The following WDR62 variants were observed in gnomAD, a reference collection of about 807,000 sequenced individuals.
WDR62 encodes WD repeat domain 62.
A neutral mutation model predicts 160.6 loss-of-function variants in WDR62; 112 were observed. The observed-to-expected ratio is 0.70, with a 90% CI of 0.60 to 0.82. The LOEUF (loss-of-function observed/expected upper bound fraction) is 0.82, where lower values mean the gene tolerates loss of function less well. Ranked by LOEUF, WDR62 falls within the 40% of genes least tolerant of loss-of-function variation. WDR62 has a pLI of 0.00. For missense variants in WDR62, 1,819 were observed against 1,983.8 expected (o/e 0.92, Z 1.58); for synonymous variants, 792 against 815.1 (o/e 0.97, Z 0.48).
rs566095663 is a variant in WDR62 at position 36,074,791 on chromosome 19, T to A, written c.1233+1260T>A. 2.6e-5 allele frequency among the ~76,000 whole-genome samples: 4 copies of A among 152,322 alleles called. No individual in the cohort carries two copies. The South Asian group carries it at 8.3e-4, about 32-fold the overall frequency. ...TTTTAAAATTCCTGTATGAAATTTT[T>A]AAAAATTTGGGATAATAGGTGAAAT... On this transcript the variant is annotated intron_variant, in intron 9 of 31. Transcript: ENST00000401500.
chr19:36,072,411 T>C (rs1971347366), intron 8 of WDR62, among the ~76,000 whole-genome samples: 1 of 152,138 alleles, frequency 6.6e-6, no homozygotes, highest in South Asian at 2.1e-4. Flanking sequence ...GCGCCTGTAG[T>C]CTATCCTCAG....
At chr19:36,071,200 C>A (rs563479410) in intron 7 of WDR62, 56 of 250,396 alleles carry the variant, frequency 2.2e-4, no homozygotes, top group African/African-American at 1.3e-3. Flanking sequence ...AAAACTCTAT[C>A]TCAAAAAAAA....
In WDR62 at chr19:36,059,780, T is replaced by C. The variant is rs144119222; in HGVS notation, c.270-188T>C. On this transcript the variant is annotated intron_variant, in intron 2 of 31. Transcript: ENST00000401500. ...ACCTCAGAGGAAGTGTTGGTTTCTA[T>C]TTAAGAACATAGCAATGTTAAAGTG... 0.012 allele frequency among the ~76,000 whole-genome samples: 1,812 copies of C among 152,286 alleles called. 23 individuals are homozygous for C. Among genetic ancestry groups the C allele is most frequent in the South Asian group, 0.035 (168 of 4,822 alleles).
rs755211233 is a variant in WDR62, at chr19:36,090,522, TGAG to T, written c.2034+6_2034+8del. 27 of 1,613,906 alleles carry T rather than the reference TGAG, an allele frequency of 1.7e-5. No homozygotes were observed. The highest frequency in any genetic ancestry group is 1.0e-4 in the Admixed American group (6 of 59,994). ...GGTGACGAAGGGTCCTTGCTGAAGG[TGAG>T]GAGTTGGAGACCCCTGTCTGTCTGC... is the stretch of plus-strand genomic sequence containing the variant. On this transcript the variant is annotated splice_donor_5th_base_variant and intron_variant, in intron 16 of 31. Coordinates refer to ENST00000401500, the MANE Select transcript of WDR62 (RefSeq NM_001083961.2).
chr19:36,066,728 T>TG (rs1288598770), intron 5 of WDR62, among the ~76,000 whole-genome samples: 1 of 152,214 alleles, frequency 6.6e-6, no homozygotes, highest in East Asian at 1.9e-4. Context: ...CTTGTTGAGT[T>TG]GTGAGACTTT....
intron 24 of WDR62, 61 bp downstream of exon 24, chr19:36,101,378 GGGCACCGAT>G: frequency 7.1e-7 from 1 of 1,410,674 alleles, no homozygotes; most frequent in Admixed American, 1.9e-5. Flanking sequence ...GCCCCTTTCT[GGGCACCGAT>G]GGTGACTTTG....
At chr19:36,096,396 C>T (rs970601072) in intron 20 of WDR62, among the ~76,000 whole-genome samples, 5 of 152,154 alleles carry the variant, frequency 3.3e-5, no homozygotes, top group Admixed American at 2.0e-4. Flanking sequence ...AGCCAGTATG[C>T]CTGGCCTTTA....
At position 36,055,164 on chromosome 19, in the gene WDR62, C is replaced by T. The variant is rs1266985755; in HGVS notation, c.177+16C>T. ...GCAGAACCGGGTGAGAAGCTGCTCG[C>T]CATGTCTACCCCAGTTCCAGGCTTC... On this transcript the variant is annotated intron_variant, in intron 1 of 31. Transcript: ENST00000401500. 5 of 1,602,150 alleles carry T rather than the reference C, an allele frequency of 3.1e-6. No homozygotes were observed. The highest frequency in any genetic ancestry group is 3.4e-6 in the Non-Finnish European group (4 of 1,175,322).
At chr19:36,090,591 A>G in intron 16 of WDR62, 71 bp downstream of exon 16, 1 of 1,434,124 alleles carries the variant, frequency 7.0e-7, no homozygotes, top group Non-Finnish European at 9.8e-7. Flanking sequence ...CACACCTGAG[A>G]CCTGTGCCCT....
intron 1 of WDR62, among the ~76,000 whole-genome samples, chr19:36,056,490 G>A (rs1380858478): frequency 6.6e-6 from 1 of 152,132 alleles, no homozygotes; most frequent in Non-Finnish European, 1.5e-5. Context: ...GCTGCAATCT[G>A]CCTGTCTGGC....
chr19:36,073,259 G>A (rs1971394987), intron 8 of WDR62, 83 bp from the exon 9 acceptor site: 2 of 1,325,900 alleles, frequency 1.5e-6, no homozygotes, highest in Non-Finnish European at 2.2e-6. Context: ...GCATTGCCGG[G>A]GAGGCATCTC....
Position 36,104,928 on chromosome 19 carries a change from C to T in WDR62, c.4472C>T (p.Pro1491Leu), listed in dbSNP as rs542711912. The T allele has an allele frequency of 1.3e-5, 21 of 1,608,900 alleles. No individual in the cohort carries two copies. Among genetic ancestry groups the T allele is most frequent in the Admixed American group, 6.7e-5 (4 of 59,820 alleles). Residue 1491 changes from proline (P) to leucine (L), a missense_variant, in exon 32 of 32, where the codon CCG (proline) becomes CTG (leucine). Pro to Leu is a moderately conservative substitution (Grantham distance 98). This residue lies in a region of WDR62 where 770 missense variants were observed against 734.2 expected (regional missense o/e 1.05). Coordinates refer to ENST00000401500, the MANE Select transcript of WDR62 (RefSeq NM_001083961.2). The part of the protein sequence containing the change: ...ALPSPGPPSP[P>L]TLYPLASPDL... ...CCCAGCCCAGGACCCCCGTCCCCAC[C>T]GACGCTGTACCCCCTGGCCAGCCCA...
chr19:36,103,834 G>T lies in WDR62; in HGVS notation c.4006G>T (p.Ala1336Ser), dbSNP rs150966716. Reference sequence around the variant, plus strand: ...AGCCCCTAGCCCTGTGGAAGAGAGCGCCCTGAGGCTCCACGGCTCTGCCTT... The same window carrying T: ...AGCCCCTAGCCCTGTGGAAGAGAGCTCCCTGAGGCTCCACGGCTCTGCCTT... ...FPAPSPVEESALRLHGSAFRP... is the reference protein window; with the variant it reads ...FPAPSPVEESSLRLHGSAFRP... Residue 1336 changes from alanine to serine, a missense_variant, in exon 30 of 32, where the codon GCC becomes TCC. Around this residue, in one of 3 missense-constraint regions of WDR62, gnomAD observed 770 missense variants for 734.2 expected, o/e 1.05. Transcript: ENST00000401500. 1.2e-6 allele frequency: 2 copies of T among 1,605,656 alleles called. No individual in the cohort carries two copies. The highest frequency in any genetic ancestry group is 2.7e-5 in the African/African-American group (2 of 74,882).
At position 36,099,390 on chromosome 19, in the gene WDR62, T is replaced by A; in HGVS notation, c.2521-9T>A. The A allele has an allele frequency of 6.2e-7, 1 of 1,612,578 alleles. No individual in the cohort carries two copies. Among genetic ancestry groups the A allele is most frequent in the East Asian group, 2.2e-5 (1 of 44,878 alleles). On this transcript the variant is annotated splice_polypyrimidine_tract_variant and intron_variant, in intron 21 of 31. Coordinates refer to ENST00000401500, the MANE Select transcript of WDR62 (RefSeq NM_001083961.2). ...CAGCCAGTTGCCTGACTGTCCGATA[T>A]CCTTCAAGCTAGGGGACGATGATGT...
chr19:36,085,413 C>CATTTTTTTTTTTTTT (rs1568349717), intron 12 of WDR62, among the ~76,000 whole-genome samples: 1 of 47,216 alleles, frequency 2.1e-5, no homozygotes, highest in Non-Finnish European at 4.5e-5. Context: ...CCACACCTGA[C>CATTTTTTTTTTTTTT]CTTTTTTTTT....
intron 9 of WDR62, 106 bp downstream of exon 9, chr19:36,073,637 C>T (rs1462638095): frequency 1.1e-6 from 1 of 920,984 alleles, no homozygotes; most frequent in Admixed American, 2.0e-5. Flanking sequence ...TTGACTCCCT[C>T]CTATGCATCA....
the WDR62 span, among the ~76,000 whole-genome samples, chr19:36,110,246 G>A: frequency 2.6e-5 from 4 of 152,008 alleles, no homozygotes; most frequent in Non-Finnish European, 5.9e-5. Context: ...CAAGGCAGGC[G>A]GATCACTTGA....
rs1568375342 is a variant in WDR62, at chr19:36,104,968, G to A, written c.4512G>A (p.Leu1504=). Residue 1504 remains leucine, a synonymous_variant, in exon 32 of 32, where the codon CTG becomes CTA. Coordinates refer to ENST00000401500, the MANE Select transcript of WDR62 (RefSeq NM_001083961.2). ...TGGCCAGCCCAGACCTGCAGGCCCT[G>A]CTGGAACACTACTCGGAGCTGCTGG... ...YPLASPDLQA[L]LEHYSELLVQ... 1.2e-6 allele frequency: 2 copies of A among 1,605,720 alleles called. No individual in the cohort carries two copies. The highest frequency in any genetic ancestry group is 4.5e-5 in the East Asian group (2 of 44,718).
chr19:36,070,052 G>A (rs1971211151), intron 7 of WDR62, among the ~76,000 whole-genome samples: 1 of 151,734 alleles, frequency 6.6e-6, no homozygotes, highest in African/African-American at 2.4e-5. Context: ...AGGAGAGGGA[G>A]AGGAGGATTG....
Sources: allele counts gnomAD v4.1 joint callset (sites outside exome capture counted in the v4.1 genomes callset), GRCh38; gene constraint gnomAD v4.1.1; regional missense constraint gnomAD v4.1.1; transcripts MANE v1.5; gene names NCBI Gene and HGNC (gene_info 2026-07-23, HGNC 2026-07-21).